Variants in SPIDR observed in about 807,000 individuals in gnomAD.
The protein encoded by SPIDR is DNA repair-scaffolding protein.
Under a neutral mutation model 104.6 loss-of-function variants are expected in SPIDR, and 93 were observed. That is an observed-to-expected ratio of 0.89 (90% CI 0.75 to 1.06). The LOEUF is 1.06. SPIDR is among the 50% of genes least tolerant of loss of function. The probability of loss-of-function intolerance (pLI) is 0.00; values close to 1 mark genes in which losing one functional copy is unlikely to be tolerated. For synonymous variants in SPIDR, 431 were observed against 416.9 expected (o/e 1.03, Z -0.41); for missense variants, 1,154 against 1,111.2 (o/e 1.04, Z -0.55).
chr8:47,626,674 A>G (rs1207332516), intron 10 of SPIDR, among the ~76,000 whole-genome samples: 1 of 152,268 alleles, frequency 6.6e-6, no homozygotes, highest in Non-Finnish European at 1.5e-5. Flanking sequence ...AATGCAAATC[A>G]AAACCACAAT....
At chr8:47,626,520 AT>A (rs2066144069) in intron 10 of SPIDR, among the ~76,000 whole-genome samples, 2 of 152,220 alleles carry the variant, frequency 1.3e-5, no homozygotes, top group Non-Finnish European at 2.9e-5. Flanking sequence ...AGAATCTACA[AT>A]GAACTCAAAC....
At chr8:47,673,748 C>G (rs2076077501) in intron 10 of SPIDR, 53 bp from the exon 11 acceptor site, 1 of 1,611,592 alleles carries the variant, frequency 6.2e-7, no homozygotes, top group South Asian at 1.1e-5. Context: ...ATCTTGATCT[C>G]TGTATTAATC....
At chr8:47,353,249 T>A (rs1430665535) in intron 5 of SPIDR, among the ~76,000 whole-genome samples, 1 of 152,116 alleles carries the variant, frequency 6.6e-6, no homozygotes, top group East Asian at 1.9e-4. Flanking sequence ...CAGATTGTAT[T>A]TTACTTACCT....
chr8:47,537,117 G>T (rs921100046), intron 8 of SPIDR, among the ~76,000 whole-genome samples: 4 of 152,174 alleles, frequency 2.6e-5, no homozygotes, highest in Non-Finnish European at 5.9e-5. Context: ...GCTGATGGAA[G>T]TGCAAATTGG....
rs567049096 is a variant in SPIDR, at chr8:47,361,681, C to G, written c.526-34695C>G. ...GTTTTAACAGCTCTATAGGTGGATT[C>G]GCTGGTTTGAGAGTCACTGAGATCT... On this transcript the variant is annotated intron_variant, in intron 5 of 19. Transcript: ENST00000297423. Among the ~76,000 whole-genome samples, 8 of 152,244 alleles carry G rather than the reference C, an allele frequency of 5.3e-5. No individual in the cohort carries two copies. The South Asian group carries it at 1.0e-3, about 20-fold the overall frequency.
chr8:47,267,462 T>G (rs1221357135), intron 1 of SPIDR, among the ~76,000 whole-genome samples: 1 of 152,260 alleles, frequency 6.6e-6, no homozygotes, highest in Non-Finnish European at 1.5e-5. Context: ...TTGCACCTTT[T>G]ACAGTCTCAC....
At chr8:47,685,319 C>T (rs1439007102) in intron 11 of SPIDR, among the ~76,000 whole-genome samples, 1 of 151,894 alleles carries the variant, frequency 6.6e-6, no homozygotes, top group African/African-American at 2.4e-5. Flanking sequence ...GTTAATTTAC[C>T]TTGCAGCACA....
At chr8:47,300,653 G>C (rs2041906091) in intron 5 of SPIDR, among the ~76,000 whole-genome samples, 2 of 152,080 alleles carry the variant, frequency 1.3e-5, no homozygotes, top group Non-Finnish European at 2.9e-5. Context: ...TTGTGTCTTT[G>C]TTCTTGTTGG....
chr8:47,554,746 GC>G (rs1281861840), intron 8 of SPIDR, among the ~76,000 whole-genome samples: 1 of 152,164 alleles, frequency 6.6e-6, no homozygotes, highest in Non-Finnish European at 1.5e-5. Flanking sequence ...TTTGTGGGCT[GC>G]ACCCACTGTC....
At chr8:47,413,221 G>A (rs558576807) in intron 7 of SPIDR, among the ~76,000 whole-genome samples, 2 of 152,354 alleles carry the variant, frequency 1.3e-5, no homozygotes, top group African/African-American at 2.4e-5. Flanking sequence ...TGCATACTGC[G>A]TTGACATTCA....
rs551462959 is a variant in SPIDR, at chr8:47,586,103, T to C, written c.1098-9708T>C. 5.3e-5 allele frequency among the ~76,000 whole-genome samples: 8 copies of C among 152,350 alleles called. No homozygotes were observed. In the East Asian group the frequency reaches 9.6e-4, roughly 18 times the overall value. On this transcript the variant is annotated intron_variant, in intron 8 of 19. Coordinates refer to ENST00000297423, the MANE Select transcript of SPIDR (RefSeq NM_001080394.4). ...TATTGCTGAATAGTATTCCATGATA[T>C]GGATTTAACATTTTGTTTAACCATT...
At chr8:47,639,138 A>G (rs894914350) in intron 10 of SPIDR, among the ~76,000 whole-genome samples, 1 of 152,228 alleles carries the variant, frequency 6.6e-6, no homozygotes, top group Non-Finnish European at 1.5e-5. Context: ...TTGGTATGCT[A>G]GCTAAGGAGT....
rs368027312 is a variant in SPIDR, at chr8:47,713,633, G to T, written c.2333G>T (p.Ser778Ile). 3.7e-6 allele frequency: 6 copies of T among 1,614,120 alleles called. No individual in the cohort carries two copies. Among genetic ancestry groups the T allele is most frequent in the Non-Finnish European group, 5.1e-6 (6 of 1,180,030 alleles). The change falls in exon 16 of 20, where the codon AGT becomes ATT. Residue 778 changes from serine (S) to isoleucine (I), a missense_variant. Physicochemically the swap from Ser to Ile is moderately radical, Grantham distance 142. Transcript: ENST00000297423. ...DSATPVNSIC[S>I]VQGTVVGVDE... Reference sequence around the variant, plus strand: ...GCAACACCTGTCAACTCCATCTGCAGTGTTCAAGGTAGGCAGCCATCTCAC... The same window carrying T: ...GCAACACCTGTCAACTCCATCTGCATTGTTCAAGGTAGGCAGCCATCTCAC...
At chr8:47,619,092 T>C (rs2064760557) in intron 10 of SPIDR, among the ~76,000 whole-genome samples, 1 of 152,214 alleles carries the variant, frequency 6.6e-6, no homozygotes, top group Admixed American at 6.5e-5. Flanking sequence ...GGGTTACCTG[T>C]GTTAAAAATT....
chr8:47,703,541 G>A (rs2080633664), intron 14 of SPIDR, among the ~76,000 whole-genome samples: 1 of 152,218 alleles, frequency 6.6e-6, no homozygotes, highest in South Asian at 2.1e-4. Flanking sequence ...CCACCTTGCA[G>A]TGCAAAAGCA....
chr8:47,735,515 T>TG lies in SPIDR; in HGVS notation c.*69dup. ...AAGGGTGGTGGTGGTGGTGGTGATT[T>TG]GGGGTAGTTATTTGTTAACTATGGA... On this transcript the variant is annotated 3_prime_UTR_variant, in exon 20 of 20. Transcript: ENST00000297423. 1 of 1,610,646 alleles carries TG rather than the reference T, an allele frequency of 6.2e-7. No individual in the cohort carries two copies. The highest frequency in any genetic ancestry group is 8.5e-7 in the Non-Finnish European group (1 of 1,178,284).
intron 5 of SPIDR, among the ~76,000 whole-genome samples, chr8:47,394,455 A>G (rs767180893): frequency 2.6e-5 from 4 of 152,136 alleles, no homozygotes; most frequent in Non-Finnish European, 4.4e-5. Flanking sequence ...GTGGTTCTCA[A>G]CTGGGGGTGA....
chr8:47,409,980 A>G (rs1349484594), intron 7 of SPIDR, among the ~76,000 whole-genome samples: 2 of 152,158 alleles, frequency 1.3e-5, no homozygotes, highest in Non-Finnish European at 2.9e-5. Context: ...GTGAGCTATG[A>G]TCGCACCTCT....
intron 5 of SPIDR, among the ~76,000 whole-genome samples, chr8:47,374,859 C>A (rs370445084): frequency 3.3e-5 from 5 of 152,112 alleles, no homozygotes; most frequent in African/African-American, 1.2e-4. Flanking sequence ...AAGTTTGAGA[C>A]CAGCCTGGCC....
Sources: gnomAD v4.1 joint callset for allele counts (sites outside exome capture counted in the v4.1 genomes callset) on GRCh38, gnomAD v4.1.1 for gene constraint, MANE v1.5 for transcripts, NCBI Gene and HGNC (gene_info 2026-07-23, HGNC 2026-07-21) for gene names.